DCAF7: variants seen among roughly 807,000 people sequenced by gnomAD.
DCAF7 encodes the protein DDB1 and CUL4 associated factor 7.
A neutral mutation model predicts 41.2 loss-of-function variants in DCAF7; 4 were observed. The ratio of observed to expected loss-of-function variants is 0.10; its 90% CI spans 0.05 to 0.22. The LOEUF is 0.22. Ranked by LOEUF, DCAF7 falls within the 10% of genes least tolerant of loss-of-function variation. DCAF7 has a pLI of 1.00. For synonymous variants in DCAF7, 143 were observed against 164.2 expected (o/e 0.87, Z 0.99); for missense variants, 131 against 443.2 (o/e 0.30, Z 6.32).
intron 1 of DCAF7, among the ~76,000 whole-genome samples, chr17:63,559,433 G>GTATATATATGTGTATATATATA (rs1263888953): frequency 8.9e-6 from 1 of 112,452 alleles, no homozygotes; most frequent in African/African-American, 4.3e-5. Flanking sequence ...ATATATATAT[G>GTATATATATGTGTATATATATA]TGTGTGTATA....
rs114083098 is a variant in DCAF7, at chr17:63,588,023, G to T, written c.857-977G>T. On this transcript the variant is annotated intron_variant, in intron 6 of 6. Transcript: ENST00000614556. ...AAAAAAAGTAATATGAGCACATTACGAATCACTTAGGAACTAGAGAAAAGT... is the reference window on the plus strand; with the variant it reads ...AAAAAAAGTAATATGAGCACATTACTAATCACTTAGGAACTAGAGAAAAGT... Among the ~76,000 whole-genome samples, 1,277 of 148,978 alleles carry T rather than the reference G, an allele frequency of 8.6e-3. 17 individuals are homozygous for T. Among genetic ancestry groups the T allele is most frequent in the African/African-American group, 0.029 (1,184 of 40,472 alleles).
chr17:63,573,864 T>C (rs2033533639), intron 1 of DCAF7, among the ~76,000 whole-genome samples: 1 of 152,174 alleles, frequency 6.6e-6, no homozygotes, highest in African/African-American at 2.4e-5. Context: ...CCCTTAATTT[T>C]TCCCCTGTTC....
In DCAF7 at chr17:63,550,630, G is replaced by A; in HGVS notation, c.-48G>A. 1 of 1,595,120 alleles carries A rather than the reference G, an allele frequency of 6.3e-7. No individual in the cohort carries two copies. The highest frequency in any genetic ancestry group is 1.3e-5 in the African/African-American group (1 of 74,656). ...AGATCTCAGGCTCGGCTCCCCGCCC[G>A]CCGCAGCCCACTGTTGACCCGGCCC... On this transcript the variant is annotated 5_prime_UTR_variant, in exon 1 of 7. Coordinates refer to ENST00000614556, the MANE Select transcript of DCAF7 (RefSeq NM_005828.5). The surrounding 1 kb of genome is among the most constrained non-coding windows in gnomAD (Gnocchi z 4.8).
At chr17:63,586,863 G>A (rs1165028425) in intron 6 of DCAF7, among the ~76,000 whole-genome samples, 1 of 152,096 alleles carries the variant, frequency 6.6e-6, no homozygotes, top group South Asian at 2.1e-4. Context: ...GCATATTTAA[G>A]AGCAAGGCGA....
intron 1 of DCAF7, among the ~76,000 whole-genome samples, chr17:63,559,439 G>GTATATATA (rs10643199): frequency 2.5e-5 from 3 of 122,178 alleles, no homozygotes; most frequent in Non-Finnish European, 4.9e-5. Context: ...ATATGTGTGT[G>GTATATATA]TATATATATA....
chr17:63,593,784 T>C lies in DCAF7; in HGVS notation c.*4612T>C, dbSNP rs1783551799. 6.6e-6 allele frequency: 1 copy of C among 152,666 alleles called. No individual in the cohort carries two copies. Among genetic ancestry groups the C allele is most frequent in the Non-Finnish European group, 1.5e-5 (1 of 68,050 alleles). 9.5% of individuals were successfully genotyped at this position (152,666 alleles called of 1,614,324 possible). The stretch of plus-strand genomic sequence containing the variant: ...TTCCCCACCCCACCCAGAGTGAATT[T>C]GTAGCATGATTGTATAAACCTCTAT... On this transcript the variant is annotated 3_prime_UTR_variant, in exon 7 of 7. Transcript: ENST00000614556.
intron 5 of DCAF7, among the ~76,000 whole-genome samples, chr17:63,584,803 T>G (rs974763981): frequency 1.1e-4 from 17 of 152,172 alleles, no homozygotes; most frequent in Non-Finnish European, 8.8e-5. Context: ...AGTCTGTTAC[T>G]TGATTAAAGA....
At position 63,590,618 on chromosome 17, in the gene DCAF7, A is replaced by T. The variant is rs185789508; in HGVS notation, c.*1446A>T. 2.0e-5 allele frequency: 3 copies of T among 152,768 alleles called. No individual in the cohort carries two copies. The highest frequency in any genetic ancestry group is 4.4e-5 in the Non-Finnish European group (3 of 68,078). 9.5% of individuals were successfully genotyped at this position (152,768 alleles called of 1,614,324 possible). ...GGCATATGTGTGATTCCACCGTTAG[A>T]TGAGCCCTTGGGGCAGGCAGTTTGG... is the stretch of plus-strand genomic sequence containing the variant. On this transcript the variant is annotated 3_prime_UTR_variant, in exon 7 of 7. Transcript: ENST00000614556.
chr17:63,573,391 C>T (rs2033528061), intron 1 of DCAF7: 2 of 152,066 alleles, frequency 1.3e-5, no homozygotes, highest in African/African-American at 4.8e-5. Context: ...AAGGCTGATA[C>T]CAAAAATTCC....
intron 4 of DCAF7, among the ~76,000 whole-genome samples, chr17:63,582,731 A>C (rs956920883): frequency 6.6e-6 from 1 of 152,062 alleles, no homozygotes; most frequent in Non-Finnish European, 1.5e-5. Flanking sequence ...AGCCTCCCAA[A>C]GTGCTGGGAT....
chr17:63,584,842 G>A (rs2033660889), intron 5 of DCAF7, among the ~76,000 whole-genome samples: 1 of 152,136 alleles, frequency 6.6e-6, no homozygotes. Flanking sequence ...AGAATGCATT[G>A]GTTGTCCTTG....
At chr17:63,582,768 C>T (rs938620826) in intron 4 of DCAF7, among the ~76,000 whole-genome samples, 15 of 152,120 alleles carry the variant, frequency 9.9e-5, no homozygotes, top group African/African-American at 3.4e-4. Flanking sequence ...ACCCGGCCTT[C>T]GTCCTTTCTC....
chr17:63,572,707 C>G (rs2033520145), intron 1 of DCAF7, among the ~76,000 whole-genome samples: 1 of 152,178 alleles, frequency 6.6e-6, no homozygotes, highest in African/African-American at 2.4e-5. Flanking sequence ...CTAAATACTT[C>G]TTGAATGAAT....
chr17:63,581,728 G>A (rs940293201), intron 4 of DCAF7, among the ~76,000 whole-genome samples: 4 of 152,220 alleles, frequency 2.6e-5, no homozygotes, highest in African/African-American at 7.2e-5. Flanking sequence ...GGCCTGGACC[G>A]GCAGCCTTGT....
At chr17:63,575,434 T>A (rs540167458) in intron 1 of DCAF7, among the ~76,000 whole-genome samples, 1 of 152,238 alleles carries the variant, frequency 6.6e-6, no homozygotes, top group South Asian at 2.1e-4. Flanking sequence ...GCGTAGTGGT[T>A]CACGCCTGTA....
chr17:63,587,984 TAAA>T (rs750564406), intron 6 of DCAF7, among the ~76,000 whole-genome samples: 1,211 of 117,122 alleles, frequency 0.01, 26 homozygotes, highest in African/African-American at 0.036. Flanking sequence ...AGACTCCATT[TAAA>T]AAAAAAAAAA....
At chr17:63,585,975 AT>A (rs1293550609) in intron 6 of DCAF7, among the ~76,000 whole-genome samples, 7 of 151,902 alleles carry the variant, frequency 4.6e-5, no homozygotes, top group Admixed American at 4.6e-4. Flanking sequence ...TACAAAAAAA[AT>A]TAGCCAGGCA....
chr17:63,576,927 T>G (rs1039953259), intron 1 of DCAF7, among the ~76,000 whole-genome samples: 1 of 152,082 alleles, frequency 6.6e-6, no homozygotes, highest in Non-Finnish European at 1.5e-5. Flanking sequence ...AACCCAAAAT[T>G]ATACTGCCAC....
chr17:63,553,984 G>A (rs945688984), intron 1 of DCAF7, among the ~76,000 whole-genome samples: 1 of 152,110 alleles, frequency 6.6e-6, no homozygotes, highest in Non-Finnish European at 1.5e-5. Flanking sequence ...TGGGAGAATC[G>A]CTTGAGCCCG....
Sources: allele counts gnomAD v4.1 joint callset (sites outside exome capture counted in the v4.1 genomes callset), GRCh38; gene constraint gnomAD v4.1.1; non-coding constraint Gnocchi (gnomAD v3.1); transcripts MANE v1.5; gene names NCBI Gene and HGNC (gene_info 2026-07-23, HGNC 2026-07-21).